MAST4: variants seen among roughly 807,000 people sequenced by gnomAD.
MAST4 encodes microtubule associated serine/threonine kinase family member 4, also known as microtubule-associated serine/threonine-protein kinase 4.
In MAST4, 89 loss-of-function variants were observed where a neutral mutation model predicts 162.7. That is an observed-to-expected ratio of 0.55 (90% confidence interval 0.46 to 0.65). MAST4 has a LOEUF of 0.65. Ranked by LOEUF, MAST4 falls within the 30% of genes least tolerant of loss-of-function variation. The pLI is 0.00. For synonymous variants in MAST4, 1,479 were observed against 1,361.1 expected, an observed-to-expected ratio of 1.09 and a Z score of -1.91; for missense variants, 3,153 against 3,374.0, an observed-to-expected ratio of 0.93 and a Z score of 1.62.
intron 5 of MAST4, among the ~76,000 whole-genome samples, chr5:67,054,853 T>A (rs1179851310): frequency 6.6e-6 from 1 of 152,208 alleles, no homozygotes; most frequent in African/African-American, 2.4e-5. Flanking sequence ...AGCATATTTC[T>A]CCCTAAAATT....
intron 1 of MAST4, among the ~76,000 whole-genome samples, chr5:66,697,433 A>T (rs937679092): frequency 1.3e-5 from 2 of 152,244 alleles, no homozygotes; most frequent in Admixed American, 1.3e-4. Context: ...TTAATTACAA[A>T]TAACCTTTAA....
intron 4 of MAST4, among the ~76,000 whole-genome samples, chr5:67,013,111 G>T (rs914212825): frequency 2.0e-5 from 3 of 152,190 alleles, no homozygotes; most frequent in Non-Finnish European, 4.4e-5. Context: ...GACTGATTTT[G>T]TCAGAGTTTG....
intron 1 of MAST4, among the ~76,000 whole-genome samples, chr5:66,750,287 G>A (rs757150751): frequency 6.6e-6 from 1 of 152,172 alleles, no homozygotes; most frequent in Non-Finnish European, 1.5e-5. Context: ...ATGTGCTGAG[G>A]GAGGAGCCAA....
chr5:66,903,421 C>T (rs1361633327), intron 4 of MAST4, among the ~76,000 whole-genome samples: 3 of 145,936 alleles, frequency 2.1e-5, no homozygotes, highest in African/African-American at 7.6e-5. Context: ...ATGATGTAAA[C>T]ATTCTCACAC....
chr5:66,970,691 T>C (rs575866611), intron 4 of MAST4, among the ~76,000 whole-genome samples: 13 of 152,356 alleles, frequency 8.5e-5, no homozygotes, highest in Admixed American at 3.3e-4. Context: ...AAGCTAGATA[T>C]TTGCATGTGC....
chr5:66,843,881 C>G (rs1032984618), intron 3 of MAST4, among the ~76,000 whole-genome samples: 2 of 152,104 alleles, frequency 1.3e-5, no homozygotes, highest in Admixed American at 6.6e-5. Flanking sequence ...ATTGGACCCT[C>G]TTTCGTAGTT....
intron 27 of MAST4, among the ~76,000 whole-genome samples, chr5:67,161,329 A>G (rs200532667): frequency 3.3e-4 from 47 of 141,534 alleles, no homozygotes; most frequent in African/African-American, 1.2e-3. Flanking sequence ...CTCTGGGGGG[A>G]AAAAAAGTTA....
At chr5:67,057,090 G>A (rs954856338) in intron 5 of MAST4, among the ~76,000 whole-genome samples, 4 of 152,126 alleles carry the variant, frequency 2.6e-5, no homozygotes, top group Admixed American at 1.3e-4. Flanking sequence ...TGTGAGAAGT[G>A]GCATTTATTA....
At chr5:67,156,061 G>GA (rs535974856) in intron 26 of MAST4, among the ~76,000 whole-genome samples, 5,942 of 83,620 alleles carry the variant, frequency 0.071, 243 homozygotes, top group East Asian at 0.21. Context: ...TCCGTCTCAA[G>GA]AAAAAAAAAA....
chr5:66,673,432 A>G (rs1021347222), intron 1 of MAST4, among the ~76,000 whole-genome samples: 7 of 104,886 alleles, frequency 6.7e-5, no homozygotes, highest in African/African-American at 3.5e-4. Context: ...ATTTTTACTT[A>G]CCACTTATGA....
At chr5:66,936,101 A>G (rs1447593339) in intron 4 of MAST4, among the ~76,000 whole-genome samples, 1 of 152,190 alleles carries the variant, frequency 6.6e-6, no homozygotes, top group Non-Finnish European at 1.5e-5. Context: ...CTCAGTCTTT[A>G]TCACTTCTTT....
intron 4 of MAST4, among the ~76,000 whole-genome samples, chr5:66,991,498 C>T (rs72763033): frequency 0.029 from 4,476 of 152,238 alleles, 100 homozygotes; most frequent in Middle Eastern, 0.051. Context: ...GCAGGCTTCA[C>T]TCCACAATAA....
intron 4 of MAST4, among the ~76,000 whole-genome samples, chr5:66,965,225 C>CTTTTTTTTTTTTTTTTT (rs1187971815): frequency 2.4e-5 from 2 of 84,898 alleles, no homozygotes; most frequent in Non-Finnish European, 2.4e-5. Flanking sequence ...TTTTTTTTTG[C>CTTTTTTTTTTTTTTTTT]TTTTTTTTTT....
chr5:66,737,755 C>T (rs1752238098), intron 1 of MAST4, among the ~76,000 whole-genome samples: 1 of 152,124 alleles, frequency 6.6e-6, no homozygotes. Context: ...TAATATTGAT[C>T]ACTCCTTACA....
At chr5:66,805,123 A>G (rs1040377717) in intron 3 of MAST4, among the ~76,000 whole-genome samples, 3 of 152,124 alleles carry the variant, frequency 2.0e-5, no homozygotes, top group African/African-American at 7.2e-5. Context: ...AGGGGTTAAT[A>G]TTTAGTGTTT....
intron 9 of MAST4, among the ~76,000 whole-genome samples, chr5:67,104,090 C>A (rs907888260): frequency 9.2e-5 from 14 of 152,196 alleles, no homozygotes; most frequent in Admixed American, 1.3e-4. Context: ...ACAGAGATTT[C>A]CCATGTACCT....
chr5:66,667,340 T>G (rs1442987813), intron 1 of MAST4, among the ~76,000 whole-genome samples: 4 of 152,238 alleles, frequency 2.6e-5, no homozygotes, highest in African/African-American at 4.8e-5. Flanking sequence ...TTACTCCATT[T>G]AGAAATAGTA....
chr5:66,767,408 A>G (rs547948112), intron 2 of MAST4, among the ~76,000 whole-genome samples: 5 of 152,270 alleles, frequency 3.3e-5, no homozygotes, highest in African/African-American at 7.2e-5. Flanking sequence ...AGGCATGTCA[A>G]GTAGGACTGT....
chr5:66,960,530 G>C (rs951236122), intron 4 of MAST4, among the ~76,000 whole-genome samples: 1 of 152,018 alleles, frequency 6.6e-6, no homozygotes, highest in Admixed American at 6.6e-5. Flanking sequence ...TATTTTAGTG[G>C]CATGCACTCA....
Sources: gnomAD v4.1 joint callset for allele counts (sites outside exome capture counted in the v4.1 genomes callset) on GRCh38, gnomAD v4.1.1 for gene constraint, MANE v1.5 for transcripts, NCBI Gene and HGNC (gene_info 2026-07-23, HGNC 2026-07-21) for gene names.